Variants in MINK1 observed in about 807,000 individuals in gnomAD.
MINK1 encodes misshapen like kinase 1.
In MINK1, 46 loss-of-function variants were observed where a neutral mutation model predicts 178.4. The ratio of observed to expected loss-of-function variants is 0.26; its 90% CI spans 0.20 to 0.33. MINK1 has a LOEUF of 0.33. Among genes scored for constraint, MINK1 ranks in the 10% least tolerant of loss-of-function variants. The pLI is 1.00. For synonymous variants in MINK1, 797 were observed against 709.7 expected (o/e 1.12, Z -1.96); for missense variants, 1,366 against 1,814.9 (o/e 0.75, Z 4.49).
chr17:4,895,558 G>C lies in MINK1; in HGVS notation c.3229+65G>C. The C allele has an allele frequency of 6.4e-7, 1 of 1,550,840 alleles. No individual in the cohort carries two copies. Among genetic ancestry groups the C allele is most frequent in the South Asian group, 1.2e-5 (1 of 80,962 alleles). On this transcript the variant is annotated intron_variant, in intron 26 of 31. Transcript: ENST00000355280. This position sits in a 1 kb window ranked among gnomAD's most constrained non-coding sequence, Gnocchi z 4.3. ...CTCCTTGGCGCTGTCACCATCTTCT[G>C]CCTGGGAGGAGGGCAGGCACTGGAA...
At chr17:4,847,117 A>T in intron 1 of MINK1, 1 of 460,902 alleles carries the variant, frequency 2.2e-6, no homozygotes, top group Non-Finnish European at 4.4e-6. Context: ...AAGAGCTGTC[A>T]GTGGGAGGCC....
At position 4,893,994 on chromosome 17, in the gene MINK1, TG is replaced by T; in HGVS notation, c.2575del (p.Asp859IlefsTer85). 2 of 1,578,490 alleles carry T rather than the reference TG, an allele frequency of 1.3e-6. No homozygotes were observed. The highest frequency in any genetic ancestry group is 1.2e-5 in the South Asian group (1 of 86,648). ...SRDTPGGRSD[G>X]DTDSVSTMVV... ...CCACCTTCCTCTCTCACAGCAGCGA[TG>T]GGGATACAGACAGCGTCAGCACCAT... On this transcript the variant is annotated frameshift_variant, in exon 22 of 32. Coordinates refer to ENST00000355280, the MANE Select transcript of MINK1 (RefSeq NM_153827.5). LOFTEE classifies it high-confidence loss of function.
intron 16 of MINK1, among the ~76,000 whole-genome samples, 163 bp downstream of exon 16, chr17:4,891,879 G>A (rs149775347): frequency 3.0e-4 from 46 of 152,338 alleles, no homozygotes; most frequent in African/African-American, 1.1e-3. Context: ...AGGACGCGAC[G>A]TGGAGGGGTG....
At chr17:4,849,774 T>G (rs1322299167) in intron 1 of MINK1, among the ~76,000 whole-genome samples, 1 of 152,102 alleles carries the variant, frequency 6.6e-6, no homozygotes, top group Non-Finnish European at 1.5e-5. Flanking sequence ...GGTTTCTCCA[T>G]GTTGGTCAGG....
chr17:4,890,211 C>G, intron 13 of MINK1: 1 of 1,236,246 alleles, frequency 8.1e-7, no homozygotes, highest in Non-Finnish European at 1.0e-6. Flanking sequence ...ACCCCACACC[C>G]CGTCCCCCAG....
At chr17:4,848,575 T>C (rs1214197246) in intron 1 of MINK1, among the ~76,000 whole-genome samples, 6 of 152,348 alleles carry the variant, frequency 3.9e-5, no homozygotes, top group African/African-American at 1.4e-4. Flanking sequence ...TTAGCCAGGA[T>C]GGTCTCCATC....
chr17:4,841,003 A>G (rs1910137329), intron 1 of MINK1, among the ~76,000 whole-genome samples: 1 of 152,068 alleles, frequency 6.6e-6, no homozygotes, highest in East Asian at 1.9e-4. Flanking sequence ...ACGTGGTGAT[A>G]GTTGGCGAGG....
rs1968829474 is a variant in MINK1 at position 4,891,655 on chromosome 17, G to T, written c.1940G>T (p.Gly647Val). 6.2e-7 allele frequency: 1 copy of T among 1,600,892 alleles called. No individual in the cohort carries two copies. ...IRQNSDPTSEGPGPSPNPPAW... is the reference protein window; with the variant it reads ...IRQNSDPTSEVPGPSPNPPAW... Reference sequence around the variant, plus strand: ...CAGAATTCAGACCCCACCTCTGAAGGACCTGGCCCCAGCCCGAATCCCCCA... The same window carrying T: ...CAGAATTCAGACCCCACCTCTGAAGTACCTGGCCCCAGCCCGAATCCCCCA... Residue 647 changes from glycine (G) to valine (V), a missense_variant, in exon 16 of 32, where the codon GGA becomes GTA. Physicochemically the swap from Gly to Val is moderately radical, Grantham distance 109 (BLOSUM62 -3). Transcript: ENST00000355280.
chr17:4,893,088 C>A, intron 20 of MINK1, 21 bp downstream of exon 20: 1 of 1,551,538 alleles, frequency 6.4e-7, no homozygotes, highest in Non-Finnish European at 8.7e-7. Context: ...TGGTGGCAGG[C>A]ATGGCCTGCC....
At position 4,886,306 on chromosome 17, in the gene MINK1, TG is replaced by T. The variant is rs773672190; in HGVS notation, c.773+114del. The T allele has an allele frequency of 3.9e-6, 6 of 1,522,232 alleles. No homozygotes were observed. Among genetic ancestry groups the T allele is most frequent in the African/African-American group, 2.7e-5 (2 of 72,828 alleles). 94.3% of individuals were successfully genotyped at this position (1,522,232 alleles called of 1,614,324 possible). On this transcript the variant is annotated intron_variant, in intron 9 of 31. Coordinates refer to ENST00000355280, the MANE Select transcript of MINK1 (RefSeq NM_153827.5). The surrounding 1 kb of genome is among the most constrained non-coding windows in gnomAD (Gnocchi z 6.1). ...TTGGATCTCACCAGAGAAGAGATTC[TG>T]GGGGGCAGAGGGCGGTGACTGGTGT...
chr17:4,842,141 A>G (rs367983152), intron 1 of MINK1, among the ~76,000 whole-genome samples: 21 of 150,964 alleles, frequency 1.4e-4, no homozygotes, highest in African/African-American at 3.9e-4. Context: ...GGAGAATGGC[A>G]TGAACCCGGG....
At chr17:4,855,909 A>T (rs1461383214) in intron 1 of MINK1, among the ~76,000 whole-genome samples, 1 of 147,684 alleles carries the variant, frequency 6.8e-6, no homozygotes, top group African/African-American at 2.5e-5. Context: ...GGGAGATGGA[A>T]GTTGCAGTGA....
chr17:4,851,718 G>A (rs749857106), intron 1 of MINK1, among the ~76,000 whole-genome samples: 3 of 151,628 alleles, frequency 2.0e-5, no homozygotes, highest in African/African-American at 7.3e-5. Context: ...GTCCACTCTC[G>A]GGCCGTGCGT....
Position 4,894,084 on chromosome 17 carries a change from G to T in MINK1, c.2661G>T (p.Val887=). 1 of 1,589,894 alleles carries T rather than the reference G, an allele frequency of 6.3e-7. No homozygotes were observed. The highest frequency in any genetic ancestry group is 2.2e-5 in the East Asian group (1 of 44,520). The change falls in exon 22 of 32, where the codon GTG becomes GTT. Residue 887 remains valine (V), a synonymous_variant. Transcript: ENST00000355280. The surrounding 1 kb of genome is among the most constrained non-coding windows in gnomAD (Gnocchi z 4.1). ...TQPPYGGGTM[V]VQRTPEEERN... ...CCCCATACGGGGGCGGCACCATGGT[G>T]GTCCAGCGCGTGAGTGAGCCTCTGC...
In MINK1 at chr17:4,896,504, G is replaced by A; in HGVS notation, c.3691G>A (p.Glu1231Lys). Residue 1231 changes from glutamate (E) to lysine (K), a missense_variant, in exon 30 of 32, where the codon GAG becomes AAG. Around this residue, in one of 14 missense-constraint regions of MINK1, gnomAD observed 201 missense variants for 240.7 expected, o/e 0.84. Transcript: ENST00000355280. The surrounding 1 kb of genome is among the most constrained non-coding windows in gnomAD (Gnocchi z 4.6). Reference protein sequence around the residue: ...TDGMEMLLCYEDEGVYVNTYG... With the variant: ...TDGMEMLLCYKDEGVYVNTYG... ...CGGCATGGAGATGCTGCTGTGCTAC[G>A]AGGACGAGGGTGTCTACGTCAACAC... 6 of 1,613,928 alleles carry A rather than the reference G, an allele frequency of 3.7e-6. No individual in the cohort carries two copies. The highest frequency in any genetic ancestry group is 1.1e-5 in the South Asian group (1 of 91,082).
chr17:4,863,629 C>T (rs1362244498), intron 1 of MINK1, among the ~76,000 whole-genome samples: 1 of 152,116 alleles, frequency 6.6e-6, no homozygotes, highest in Non-Finnish European at 1.5e-5. Flanking sequence ...ACTTCCTAGC[C>T]TGGGCAAGTG....
intron 1 of MINK1, among the ~76,000 whole-genome samples, chr17:4,853,806 T>C (rs1256136477): frequency 6.6e-6 from 1 of 152,050 alleles, no homozygotes; most frequent in Non-Finnish European, 1.5e-5. Flanking sequence ...TGAAAAGCCA[T>C]GGCCTCGCTT....
rs776695984 is a variant in MINK1 at position 4,896,867 on chromosome 17, G to T, written c.3915+54G>T. 5 of 1,512,886 alleles carry T rather than the reference G, an allele frequency of 3.3e-6. No individual in the cohort carries two copies. The highest frequency in any genetic ancestry group is 4.4e-6 in the Non-Finnish European group (5 of 1,133,058). The allele number at this position is 1,512,886 out of a possible 1,614,324, so 93.7% of individuals were successfully genotyped here. A position where few individuals can be genotyped will look rare whatever the true frequency, so the allele number is the denominator to read the frequency against. On this transcript the variant is annotated intron_variant, in intron 31 of 31. Transcript: ENST00000355280. This position sits in a 1 kb window ranked among gnomAD's most constrained non-coding sequence, Gnocchi z 4.6. ...TGCTGTCCCGGCTGCCATGACCCTA[G>T]GCCCCTGGGCAGAGTTCTGGGGAGA...
chr17:4,854,359 C>T (rs1381787844), intron 1 of MINK1, among the ~76,000 whole-genome samples: 1 of 152,206 alleles, frequency 6.6e-6, no homozygotes, highest in African/African-American at 2.4e-5. Flanking sequence ...AGACCAGGGC[C>T]CCTGTCTGAG....
Sources: gnomAD v4.1 joint callset for allele counts (sites outside exome capture counted in the v4.1 genomes callset) on GRCh38, gnomAD v4.1.1 for gene constraint, gnomAD v4.1.1 regional missense constraint, Gnocchi (gnomAD v3.1) non-coding constraint, MANE v1.5 for transcripts, NCBI Gene and HGNC (gene_info 2026-07-23, HGNC 2026-07-21) for gene names.